The following ENOX1 variants were observed in gnomAD, a reference collection of about 807,000 sequenced individuals.
ENOX1 encodes candidate growth-related and time keeping constitutive hydroquinone (NADH) oxidase.
ENOX1 carries 42 observed loss-of-function variants against 82.5 expected under a neutral mutation model. The observed-to-expected ratio is 0.51, with a 90% CI of 0.40 to 0.66. The LOEUF is 0.66. Among genes scored for constraint, ENOX1 ranks in the 30% least tolerant of loss-of-function variants. The pLI is 0.00. For missense variants in ENOX1, 608 were observed against 811.6 expected (o/e 0.75, Z 3.05); for synonymous variants, 271 against 282.2 (o/e 0.96, Z 0.40).
At chr13:43,467,487 T>A (rs1399267670) in intron 3 of ENOX1, among the ~76,000 whole-genome samples, 1 of 151,830 alleles carries the variant, frequency 6.6e-6, no homozygotes, top group East Asian at 1.9e-4. Flanking sequence ...ATTTATAGTA[T>A]CTTCTTTGGA....
chr13:43,689,894 A>C (rs1348770588), intron 1 of ENOX1, among the ~76,000 whole-genome samples: 1 of 152,100 alleles, frequency 6.6e-6, no homozygotes, highest in African/African-American at 2.4e-5. Flanking sequence ...CCCACTTTGC[A>C]TGTCTGTTCT....
chr13:43,785,086 A>G (rs1381012707), intron 1 of ENOX1, among the ~76,000 whole-genome samples: 1 of 152,154 alleles, frequency 6.6e-6, no homozygotes, highest in African/African-American at 2.4e-5. Flanking sequence ...ACTTTTTCAA[A>G]CTCATTATCA....
At chr13:43,378,684 T>A (rs2051816179) in intron 5 of ENOX1, among the ~76,000 whole-genome samples, 1 of 152,110 alleles carries the variant, frequency 6.6e-6, no homozygotes, top group Non-Finnish European at 1.5e-5. Flanking sequence ...TTCAACTGCT[T>A]CCCAGTAACT....
At chr13:43,712,118 C>T (rs1021806851) in intron 1 of ENOX1, among the ~76,000 whole-genome samples, 6 of 150,650 alleles carry the variant, frequency 4.0e-5, no homozygotes, top group Non-Finnish European at 7.4e-5. Flanking sequence ...AGGAAGGGAT[C>T]CAGTTTCAGC....
At chr13:43,644,258 A>G (rs2083794540) in intron 2 of ENOX1, among the ~76,000 whole-genome samples, 1 of 152,160 alleles carries the variant, frequency 6.6e-6, no homozygotes, top group South Asian at 2.1e-4. Flanking sequence ...TGGCTGGTAA[A>G]TAATTAATTT....
chr13:43,622,329 T>A (rs1350330924), intron 2 of ENOX1, among the ~76,000 whole-genome samples: 1 of 152,212 alleles, frequency 6.6e-6, no homozygotes, highest in Non-Finnish European at 1.5e-5. Flanking sequence ...CCTTGTTTTG[T>A]CATATTACCA....
chr13:43,740,417 G>C (rs866010834), intron 1 of ENOX1, among the ~76,000 whole-genome samples: 13 of 152,066 alleles, frequency 8.5e-5, no homozygotes, highest in African/African-American at 3.1e-4. Flanking sequence ...TGCAGTTGAA[G>C]GAGTTTTAGT....
At chr13:43,677,282 G>A (rs2085554006) in intron 1 of ENOX1, among the ~76,000 whole-genome samples, 1 of 152,186 alleles carries the variant, frequency 6.6e-6, no homozygotes, top group African/African-American at 2.4e-5. Flanking sequence ...CAGCCATGGA[G>A]ATGGACTGCC....
At chr13:43,564,678 T>G (rs1217044137) in intron 2 of ENOX1, among the ~76,000 whole-genome samples, 3 of 152,126 alleles carry the variant, frequency 2.0e-5, no homozygotes, top group Non-Finnish European at 4.4e-5. Flanking sequence ...TAAATGAAAA[T>G]GTTTACTTAT....
chr13:43,244,310 C>T (rs896540417), intron 14 of ENOX1, among the ~76,000 whole-genome samples: 26 of 151,970 alleles, frequency 1.7e-4, no homozygotes, highest in Non-Finnish European at 1.3e-4. Flanking sequence ...TTATTACAAC[C>T]ATTACTCACT....
rs534255664 is a variant in ENOX1 at position 43,632,653 on chromosome 13, G to A, written c.-219+34826C>T. Among the ~76,000 whole-genome samples, 15 of 152,012 alleles carry A rather than the reference G, an allele frequency of 9.9e-5. No individual in the cohort carries two copies. In the East Asian group the frequency reaches 2.5e-3, roughly 25 times the overall value. On this transcript the variant is annotated intron_variant, in intron 2 of 16. Transcript: ENST00000690772. ...GTAGAGATGGAGTTTCACCATGTTGGGTAGGTTGGTCTCGAACTCTTGACC... is the reference window on the plus strand; with the variant it reads ...GTAGAGATGGAGTTTCACCATGTTGAGTAGGTTGGTCTCGAACTCTTGACC...
chr13:43,652,174 T>C (rs1364272647), intron 2 of ENOX1, among the ~76,000 whole-genome samples: 1 of 151,924 alleles, frequency 6.6e-6, no homozygotes, highest in African/African-American at 2.4e-5. Context: ...GGTCACTTTT[T>C]TGGAGGGAAC....
chr13:43,253,234 G>C (rs1309561894), intron 14 of ENOX1, among the ~76,000 whole-genome samples: 2 of 152,178 alleles, frequency 1.3e-5, no homozygotes, highest in African/African-American at 4.8e-5. Flanking sequence ...GACACGCAGG[G>C]CACCACGACA....
chr13:43,219,752 T>G (rs2041685599), intron 16 of ENOX1, among the ~76,000 whole-genome samples: 1 of 152,196 alleles, frequency 6.6e-6, no homozygotes, highest in African/African-American at 2.4e-5. Context: ...TCTAATCACA[T>G]GTACAAATGG....
chr13:43,253,277 GC>G (rs2043561604), intron 14 of ENOX1, among the ~76,000 whole-genome samples: 1 of 152,000 alleles, frequency 6.6e-6, no homozygotes, highest in Non-Finnish European at 1.5e-5. Flanking sequence ...AGTCTTTCCC[GC>G]CTTTCTTCCC....
intron 2 of ENOX1, among the ~76,000 whole-genome samples, chr13:43,542,105 A>C (rs1404950611): frequency 6.6e-6 from 1 of 152,174 alleles, no homozygotes; most frequent in Non-Finnish European, 1.5e-5. Context: ...GAGATGCCAG[A>C]GGTCCCTGGA....
At chr13:43,625,236 G>T (rs1045525361) in intron 2 of ENOX1, among the ~76,000 whole-genome samples, 5 of 151,956 alleles carry the variant, frequency 3.3e-5, no homozygotes, top group African/African-American at 1.2e-4. Flanking sequence ...CAACCTTGCT[G>T]AGCTAACTCC....
intron 2 of ENOX1, 186 bp downstream of exon 2, chr13:43,667,293 G>A (rs2085029622): frequency 1.0e-5 from 2 of 193,416 alleles, no homozygotes; most frequent in Non-Finnish European, 1.9e-5. Context: ...CCTGTCACAG[G>A]TACTTTGTAA....
chr13:43,665,937 G>T (rs2084955125), intron 2 of ENOX1, among the ~76,000 whole-genome samples: 2 of 149,090 alleles, frequency 1.3e-5, no homozygotes, highest in South Asian at 2.2e-4. Context: ...ATGCTTTAGG[G>T]TTATCTAGAG....
Sources: allele counts gnomAD v4.1 joint callset (sites outside exome capture counted in the v4.1 genomes callset), GRCh38; gene constraint gnomAD v4.1.1; transcripts MANE v1.5; gene names NCBI Gene and HGNC (gene_info 2026-07-23, HGNC 2026-07-21).